Variants in ZNF37A observed in about 807,000 individuals in gnomAD.
ZNF37A encodes zinc finger protein 37A, also known as zinc finger protein 37a (KOX 21).
In ZNF37A, 10 loss-of-function variants were observed where a neutral mutation model predicts 12.3. The observed-to-expected ratio is 0.82, with a 90% CI of 0.50 to 1.38. ZNF37A has a LOEUF of 1.38. Among genes scored for constraint, ZNF37A ranks in the 40% most tolerant of loss-of-function variants. The probability of loss-of-function intolerance (pLI) is 0.00; values close to 1 mark genes in which losing one functional copy is unlikely to be tolerated. For synonymous variants in ZNF37A, 207 were observed against 223.0 expected, an observed-to-expected ratio of 0.93 and a Z score of 0.64; for missense variants, 580 against 651.2, an observed-to-expected ratio of 0.89 and a Z score of 1.19.
At chr10:38,127,957 G>A (rs1275870658), downstream of ZNF37A, among the ~76,000 whole-genome samples, 6 of 152,086 alleles carry the variant, frequency 3.9e-5, no homozygotes, top group African/African-American at 1.4e-4. Context: ...TAATTCTAGT[G>A]GGCAGAGAAA....
chr10:38,105,521 A>G (rs2135926200), intron 5 of ZNF37A, among the ~76,000 whole-genome samples: 1 of 152,310 alleles, frequency 6.6e-6, no homozygotes, highest in Middle Eastern at 3.4e-3. Flanking sequence ...CAAAAATAAA[A>G]TTTCTGATTA....
chr10:38,114,919 G>A, intron 6 of ZNF37A, 38 bp downstream of exon 6: 2 of 1,573,088 alleles, frequency 1.3e-6, no homozygotes, highest in Non-Finnish European at 1.7e-6. Context: ...AGGCCAGAAT[G>A]CATGTCCTTT....
chr10:38,126,920 G>C (rs2069936518), downstream of ZNF37A, among the ~76,000 whole-genome samples: 3 of 152,300 alleles, frequency 2.0e-5, no homozygotes, highest in South Asian at 6.2e-4. Flanking sequence ...CCCTAGAAAA[G>C]AGCTCTACCT....
At chr10:38,114,953 C>A in intron 6 of ZNF37A, 72 bp downstream of exon 6, 5 of 1,517,830 alleles carry the variant, frequency 3.3e-6, no homozygotes, top group Non-Finnish European at 4.4e-6. Flanking sequence ...ACTTGTGGAA[C>A]TTTTGTAAAA....
intron 7 of ZNF37A, among the ~76,000 whole-genome samples, chr10:38,145,897 G>C (rs927351827): frequency 6.6e-6 from 1 of 152,160 alleles, no homozygotes; most frequent in African/African-American, 2.4e-5. Flanking sequence ...TCAGGGGCTC[G>C]AGACCAGCCT....
At chr10:38,114,645 T>C in intron 5 of ZNF37A, 110 bp from the exon 6 acceptor site, 10 of 1,416,072 alleles carry the variant, frequency 7.1e-6, no homozygotes, top group Non-Finnish European at 9.9e-6. Context: ...TTTATAACAG[T>C]TTCTATTTAA....
chr10:38,144,645 C>T (rs1189922448), intron 7 of ZNF37A, among the ~76,000 whole-genome samples: 1 of 152,112 alleles, frequency 6.6e-6, no homozygotes, highest in Non-Finnish European at 1.5e-5. Context: ...GTGGGTGGCA[C>T]CCCTTGACAA....
Position 38,096,596 on chromosome 10 carries a change from G to T in ZNF37A, c.-22G>T. Reference sequence around the variant, plus strand: ...CAGCTACACCCTCACAGTTTGCTCTGCTCTTCCAACACCAGTGGAAGATGA... The same window carrying T: ...CAGCTACACCCTCACAGTTTGCTCTTCTCTTCCAACACCAGTGGAAGATGA... On this transcript the variant is annotated 5_prime_UTR_variant, in exon 5 of 8. Coordinates refer to ENST00000685332, the MANE Select transcript of ZNF37A (RefSeq NM_001324250.3). 1 of 1,611,162 alleles carries T rather than the reference G, an allele frequency of 6.2e-7. No individual in the cohort carries two copies. Among genetic ancestry groups the T allele is most frequent in the Non-Finnish European group, 8.5e-7 (1 of 1,178,822 alleles).
rs1387740152 is a variant in ZNF37A, at chr10:38,120,815, A to C, written c.*1978A>C. ...ATATAATTTCTCAAGAAATTTCCAG[A>C]TGTCTCATGCTGCATAGGGCAGGAG... On this transcript the variant is annotated 3_prime_UTR_variant, in exon 8 of 8. Coordinates refer to ENST00000685332, the MANE Select transcript of ZNF37A (RefSeq NM_001324250.3). The C allele has an allele frequency of 6.6e-6, 1 of 152,256 alleles. No individual in the cohort carries two copies. The highest frequency in any genetic ancestry group is 2.4e-5 in the African/African-American group (1 of 41,466). The allele number at this position is 152,256 out of a possible 1,614,324, so 9.4% of individuals were successfully genotyped here.
At chr10:38,097,596 A>AAAAAAAC in intron 5 of ZNF37A, among the ~76,000 whole-genome samples, 1 of 120,286 alleles carries the variant, frequency 8.3e-6, no homozygotes, top group Non-Finnish European at 1.6e-5. Context: ...AAAAAAAAAA[A>AAAAAAAC]AAAAAAAAAA....
At chr10:38,143,899 T>G (rs1205904950) in intron 7 of ZNF37A, 1 of 152,248 alleles carries the variant, frequency 6.6e-6, no homozygotes, top group Non-Finnish European at 1.5e-5. Context: ...GGTGTGGAGC[T>G]GCCCAAGACT....
chr10:38,104,550 C>T (rs184801829), intron 5 of ZNF37A, among the ~76,000 whole-genome samples: 3 of 152,000 alleles, frequency 2.0e-5, no homozygotes, highest in South Asian at 2.1e-4. Flanking sequence ...GCCTACCCCC[C>T]ACATCAGTTT....
Position 38,123,492 on chromosome 10 carries a change from T to C in ZNF37A, c.*4655T>C, listed in dbSNP as rs1407183132. The C allele has an allele frequency of 2.0e-5, 3 of 151,944 alleles. No homozygotes were observed. The highest frequency in any genetic ancestry group is 4.4e-5 in the Non-Finnish European group (3 of 67,968). The allele number at this position is 151,944 out of a possible 1,614,324, so 9.4% of individuals were successfully genotyped here. A position where few individuals can be genotyped will look rare whatever the true frequency, so the allele number is the denominator to read the frequency against. On this transcript the variant is annotated 3_prime_UTR_variant, in exon 8 of 8. Transcript: ENST00000685332. ...CAGCATCAATTAATGAGGGATCCTC[T>C]CCCTTGATCAAAACACCTTCCACCA... is the stretch of plus-strand genomic sequence containing the variant.
intron 7 of ZNF37A, among the ~76,000 whole-genome samples, chr10:38,132,901 G>T (rs1432347322): frequency 6.6e-6 from 1 of 151,204 alleles, no homozygotes; most frequent in African/African-American, 2.4e-5. Flanking sequence ...TCATAGAATT[G>T]TTTATTTCTC....
intron 7 of ZNF37A, among the ~76,000 whole-genome samples, chr10:38,131,068 G>T (rs77777000): frequency 0.042 from 6,447 of 152,092 alleles, 192 homozygotes; most frequent in Non-Finnish European, 0.061. Context: ...TTTGATTGTG[G>T]TGGCGTTATT....
At chr10:38,147,325 A>G (rs1269021173) in exon 8 of ZNF37A, 2 of 152,180 alleles carry the variant, frequency 1.3e-5, no homozygotes, top group Non-Finnish European at 2.9e-5. Flanking sequence ...ATACCAAGGG[A>G]CGACTGTGTT....
intron 7 of ZNF37A, chr10:38,140,384 C>G (rs1163322687): frequency 2.0e-5 from 3 of 152,096 alleles, no homozygotes; most frequent in Admixed American, 2.0e-4. Flanking sequence ...TTCATTTACA[C>G]TAGGCTAGAG....
chr10:38,139,014 A>G (rs983589134), intron 7 of ZNF37A: 2 of 152,200 alleles, frequency 1.3e-5, no homozygotes, highest in African/African-American at 4.8e-5. Context: ...GCTGTAGCCT[A>G]TCTGCAGAGG....
chr10:38,109,289 C>T (rs918943091), intron 5 of ZNF37A, among the ~76,000 whole-genome samples: 2 of 152,084 alleles, frequency 1.3e-5, no homozygotes, highest in African/African-American at 4.8e-5. Context: ...ATTCAACACC[C>T]CTTCATGCTT....
Sources: allele counts gnomAD v4.1 joint callset (sites outside exome capture counted in the v4.1 genomes callset), GRCh38; gene constraint gnomAD v4.1.1; transcripts MANE v1.5; gene names NCBI Gene and HGNC (gene_info 2026-07-23, HGNC 2026-07-21).